KCNK16: variants seen among roughly 807,000 people sequenced by gnomAD.
The protein encoded by KCNK16 is potassium two pore domain channel subfamily K member 16, also known as potassium channel subfamily K member 16.
KCNK16 carries 23 observed loss-of-function variants against 23.0 expected under a neutral mutation model. That is an observed-to-expected ratio of 1.00 (90% CI 0.72 to 1.41). The LOEUF (loss-of-function observed/expected upper bound fraction) is 1.41. Ranked by LOEUF, KCNK16 falls within the 40% of genes most tolerant of loss-of-function variation. The probability of loss-of-function intolerance (pLI) is 0.00; values close to 1 mark genes in which losing one functional copy is unlikely to be tolerated. For missense variants in KCNK16, 327 were observed against 365.8 expected (o/e 0.89, Z 0.87); for synonymous variants, 145 against 153.5 (o/e 0.94, Z 0.41).
downstream of KCNK16, chr6:39,314,948 C>G: frequency 6.7e-7 from 1 of 1,495,660 alleles, no homozygotes; most frequent in South Asian, 1.3e-5. Context: ...CCCCCGAAAT[C>G]CCTCTACCTG....
intron 1 of KCNK16, among the ~76,000 whole-genome samples, chr6:39,321,874 G>C (rs9462529): frequency 0.4 from 60,778 of 152,154 alleles, 12,371 homozygotes; most frequent in Admixed American, 0.46. Flanking sequence ...ACCCGCAGCC[G>C]TCTGCCCAGG....
At chr6:39,314,598 G>A (rs2113845506), downstream of KCNK16, 1 of 440,352 alleles carries the variant, frequency 2.3e-6, no homozygotes, top group East Asian at 3.4e-5. Flanking sequence ...GAAGGAGGAA[G>A]CTGCTGGGTG....
At chr6:39,315,833 ATAG>A (rs1168432085), downstream of KCNK16, among the ~76,000 whole-genome samples, 1 of 152,202 alleles carries the variant, frequency 6.6e-6, no homozygotes. Context: ...CACCTGGCAC[ATAG>A]TAGGGGCTTG....
At chr6:39,317,341 T>A (rs1049830183) in intron 3 of KCNK16, among the ~76,000 whole-genome samples, 1 of 152,238 alleles carries the variant, frequency 6.6e-6, no homozygotes, top group Non-Finnish European at 1.5e-5. Flanking sequence ...TGTTTGCTAC[T>A]GCACAAAAGG....
At chr6:39,322,080 T>G (rs554677056) in intron 1 of KCNK16, among the ~76,000 whole-genome samples, 63 of 152,242 alleles carry the variant, frequency 4.1e-4, no homozygotes, top group Non-Finnish European at 7.5e-4. Flanking sequence ...GTTATTCTTG[T>G]TGCCTTATAG....
chr6:39,319,023 G>C lies in KCNK16; in HGVS notation c.324C>G (p.Thr108=), dbSNP rs1423694496. ...SFFFAGTVVT[T]IGYGNLAPST... ...TTCTCTACCCCAGCCCTTTACCTAT[G>C]GTAGTGACGACTGTGCCTGCAAAGA... Residue 108 remains threonine (T), a synonymous_variant, in exon 2 of 5, where the codon ACC becomes ACG. Transcript: ENST00000437525. This position sits in a 1 kb window ranked among gnomAD's most constrained non-coding sequence, Gnocchi z 4.2. 6.2e-7 allele frequency: 1 copy of C among 1,608,978 alleles called. No homozygotes were observed. Among genetic ancestry groups the C allele is most frequent in the Non-Finnish European group, 8.5e-7 (1 of 1,175,300 alleles).
Position 39,317,885 on chromosome 6 carries a change from G to T in KCNK16, c.396C>A (p.Gly132=). 2 of 1,613,862 alleles carry T rather than the reference G, an allele frequency of 1.2e-6. No individual in the cohort carries two copies. The highest frequency in any genetic ancestry group is 1.7e-6 in the Non-Finnish European group (2 of 1,179,900). The change falls in exon 3 of 5, where the codon GGC becomes GGA. Residue 132 remains glycine, a synonymous_variant. Coordinates refer to ENST00000437525, the MANE Select transcript of KCNK16 (RefSeq NM_001135106.2). ...TGAGGAAGATCACGTTAAGCGGGATGCCCAACAGGGCATAGAAGACACAGA... is the reference window on the plus strand; with the variant it reads ...TGAGGAAGATCACGTTAAGCGGGATTCCCAACAGGGCATAGAAGACACAGA... The part of the protein sequence containing the change: ...QVFCVFYALL[G]IPLNVIFLNH...
chr6:39,315,551 C>G, downstream of KCNK16: 1 of 848,706 alleles, frequency 1.2e-6, no homozygotes, highest in African/African-American at 1.7e-5. Context: ...CTTTGAGAGG[C>G]AGCTCGCCTG....
At position 39,317,934 on chromosome 6, in the gene KCNK16, G is replaced by A; in HGVS notation, c.347C>T (p.Pro116Leu). ...VTTIGYGNLA[P>L]STEAGQVFCV... ...GAAGACCTGACCTGCCTCTGTGCTG[G>A]GTGCCAGGTTCCCATATCCTGCAAG... Residue 116 changes from proline to leucine, a missense_variant, in exon 3 of 5, where the codon CCC becomes CTC. Coordinates refer to ENST00000437525, the MANE Select transcript of KCNK16 (RefSeq NM_001135106.2). 1 of 1,608,622 alleles carries A rather than the reference G, an allele frequency of 6.2e-7. No homozygotes were observed. Among genetic ancestry groups the A allele is most frequent in the Non-Finnish European group, 8.5e-7 (1 of 1,177,284 alleles).
chr6:39,316,476 G>T, intron 4 of KCNK16, 34 bp from the exon 5 acceptor site: 1 of 1,566,588 alleles, frequency 6.4e-7, no homozygotes, highest in Non-Finnish European at 8.7e-7. Flanking sequence ...AATGCCAGGG[G>T]TCTCAGGGCA....
downstream of KCNK16, chr6:39,315,514 G>A: frequency 7.6e-7 from 1 of 1,308,610 alleles, no homozygotes; most frequent in South Asian, 1.5e-5. Context: ...GACAGCCCTG[G>A]ACTTCTAGGC....
chr6:39,316,204 C>T lies in KCNK16; in HGVS notation c.*15G>A. The T allele has an allele frequency of 5.4e-6, 8 of 1,484,258 alleles. No individual in the cohort carries two copies. Among genetic ancestry groups the T allele is most frequent in the Admixed American group, 2.5e-5 (1 of 40,586 alleles). The allele number at this position is 1,484,258 out of a possible 1,614,324, so 91.9% of individuals were successfully genotyped here. On this transcript the variant is annotated 3_prime_UTR_variant, in exon 5 of 5. Transcript: ENST00000437525. ...GGGGAGGATGAAAGGGGTTTCTGGGCCCCCCCCGGGGGCCTCATGCAGAGA... is the reference window on the plus strand; with the variant it reads ...GGGGAGGATGAAAGGGGTTTCTGGGTCCCCCCCGGGGGCCTCATGCAGAGA...
chr6:39,322,318 TC>T lies in KCNK16; in HGVS notation c.213+9del. On this transcript the variant is annotated intron_variant, in intron 1 of 4. Coordinates refer to ENST00000437525, the MANE Select transcript of KCNK16 (RefSeq NM_001135106.2). ...CCTCTCCATCCCAATCCCACATCGC[TC>T]CCCTTCACCTGCACAAACTGCTCCA... 2.5e-6 allele frequency: 4 copies of T among 1,607,016 alleles called. No homozygotes were observed. The highest frequency in any genetic ancestry group is 2.6e-6 in the Non-Finnish European group (3 of 1,174,108).
rs144774125 is a variant in KCNK16 at position 39,322,367 on chromosome 6, G to A, written c.174C>T (p.Tyr58=). ...CCATGGCCCACTGGTCCAGGCAGGT[G>A]TAGTTCTCCAGGAAGCGCAGCTTCT... ...QLEKLRFLEN[Y]TCLDQWAMEQ... Residue 58 remains tyrosine (Y), a synonymous_variant, in exon 1 of 5, where the codon TAC becomes TAT. Coordinates refer to ENST00000437525, the MANE Select transcript of KCNK16 (RefSeq NM_001135106.2). 1,428 of 1,614,202 alleles carry A rather than the reference G, an allele frequency of 8.8e-4. 1 individual carries two copies. The highest frequency in any genetic ancestry group is 7.3e-4 in the Non-Finnish European group (864 of 1,180,030).
chr6:39,316,661 G>A, intron 4 of KCNK16, 121 bp downstream of exon 4: 2 of 1,280,746 alleles, frequency 1.6e-6, no homozygotes, highest in Non-Finnish European at 2.2e-6. Context: ...CATTGGTTTG[G>A]CTCCCTTGAA....
At position 39,317,922 on chromosome 6, in the gene KCNK16, G is replaced by T. The variant is rs781390762; in HGVS notation, c.359C>A (p.Ala120Glu). 1 of 1,611,588 alleles carries T rather than the reference G, an allele frequency of 6.2e-7. No homozygotes were observed. The highest frequency in any genetic ancestry group is 1.7e-5 in the Admixed American group (1 of 59,652). ...GYGNLAPSTE[A>E]GQVFCVFYAL... ...ATAGAAGACACAGAAGACCTGACCTGCCTCTGTGCTGGGTGCCAGGTTCCC... is the reference window on the plus strand; with the variant it reads ...ATAGAAGACACAGAAGACCTGACCTTCCTCTGTGCTGGGTGCCAGGTTCCC... Residue 120 changes from alanine (A) to glutamate (E), a missense_variant, in exon 3 of 5, where the codon GCA becomes GAA. Coordinates refer to ENST00000437525, the MANE Select transcript of KCNK16 (RefSeq NM_001135106.2).
At position 39,317,964 on chromosome 6, in the gene KCNK16, G is replaced by T. The variant is rs1036225599; in HGVS notation, c.329-12C>A. 2 of 1,591,736 alleles carry T rather than the reference G, an allele frequency of 1.3e-6. No individual in the cohort carries two copies. Among genetic ancestry groups the T allele is most frequent in the Admixed American group, 1.7e-5 (1 of 57,634 alleles). Reference sequence around the variant, plus strand: ...CAGGTTCCCATATCCTGCAAGGGAAGGGGGGCGTGTGCAAATATGGAGACT... The same window carrying T: ...CAGGTTCCCATATCCTGCAAGGGAATGGGGGCGTGTGCAAATATGGAGACT... On this transcript the variant is annotated splice_polypyrimidine_tract_variant and intron_variant, in intron 2 of 4. Transcript: ENST00000437525.
downstream of KCNK16, chr6:39,314,897 C>G (rs149917880): frequency 2.4e-5 from 28 of 1,160,792 alleles, no homozygotes; most frequent in African/African-American, 3.9e-4. Flanking sequence ...GTAAGAGGAG[C>G]CTTAACCAAG....
chr6:39,316,844 C>T lies in KCNK16; in HGVS notation c.599G>A (p.Ser200Asn), dbSNP rs1186959552. 6.2e-7 allele frequency: 1 copy of T among 1,614,064 alleles called. No individual in the cohort carries two copies. The highest frequency in any genetic ancestry group is 1.3e-5 in the African/African-American group (1 of 74,910). Reference protein sequence around the residue: ...VFSHVEGWSFSEGFYFAFITL... With the variant: ...VFSHVEGWSFNEGFYFAFITL... ...GATGAAAGCAAAGTAGAAGCCCTCG[C>T]TGAAGCTCCAGCCCTCCACATGGCT... The change falls in exon 4 of 5, where the codon AGC (serine) becomes AAC (asparagine). Residue 200 changes from serine (S) to asparagine (N), a missense_variant. Transcript: ENST00000437525.
Sources: gnomAD v4.1 joint callset for allele counts (sites outside exome capture counted in the v4.1 genomes callset) on GRCh38, gnomAD v4.1.1 for gene constraint, Gnocchi (gnomAD v3.1) non-coding constraint, MANE v1.5 for transcripts, NCBI Gene and HGNC (gene_info 2026-07-23, HGNC 2026-07-21) for gene names.